Variants in SDK1 observed in about 807,000 individuals in gnomAD.
SDK1 encodes sidekick cell adhesion molecule 1.
A neutral mutation model predicts 245.5 loss-of-function variants in SDK1; 157 were observed. That is an observed-to-expected ratio of 0.64 (90% confidence interval 0.56 to 0.73). SDK1 has a LOEUF of 0.73. Ranked by LOEUF, SDK1 falls within the 30% of genes least tolerant of loss-of-function variation. The probability of loss-of-function intolerance (pLI) is 0.00; values close to 1 mark genes in which losing one functional copy is unlikely to be tolerated. For missense variants in SDK1, 3,583 were observed against 3,002.3 expected (o/e 1.19, Z -4.52); for synonymous variants, 1,647 against 1,278.5 (o/e 1.29, Z -6.15).
chr7:3,433,301 C>G (rs930092303), intron 1 of SDK1, among the ~76,000 whole-genome samples: 8 of 152,194 alleles, frequency 5.3e-5, no homozygotes, highest in Admixed American at 3.9e-4. Context: ...TGCTTTCACA[C>G]TTCAAAAGGT....
intron 5 of SDK1, among the ~76,000 whole-genome samples, chr7:3,894,676 AAGC>A (rs1781551810): frequency 6.6e-6 from 1 of 152,012 alleles, no homozygotes. Context: ...ATTGAAACTA[AAGC>A]AGAGTAATAC....
intron 28 of SDK1, among the ~76,000 whole-genome samples, chr7:4,138,273 TC>T (rs1412549839): frequency 2.0e-5 from 3 of 151,824 alleles, no homozygotes; most frequent in South Asian, 4.2e-4. Context: ...CACTGCAAAC[TC>T]CCCCCTTCCT....
intron 5 of SDK1, among the ~76,000 whole-genome samples, chr7:3,901,336 G>A (rs1172445814): frequency 1.3e-5 from 2 of 152,058 alleles, no homozygotes; most frequent in South Asian, 2.1e-4. Flanking sequence ...ACAGGCATGT[G>A]CCACCACGCC....
At chr7:4,242,125 C>A (rs1386935262) in intron 43 of SDK1, among the ~76,000 whole-genome samples, 3 of 152,154 alleles carry the variant, frequency 2.0e-5, no homozygotes, top group Non-Finnish European at 4.4e-5. Flanking sequence ...ATTTTCAGGA[C>A]ATCTCCGGAG....
intron 1 of SDK1, among the ~76,000 whole-genome samples, chr7:3,599,633 T>C (rs1022192797): frequency 2.6e-5 from 4 of 152,224 alleles, no homozygotes; most frequent in African/African-American, 4.8e-5. Context: ...TTAATTTGTA[T>C]AGAAGGTGTG....
intron 1 of SDK1, among the ~76,000 whole-genome samples, chr7:3,501,557 G>C (rs1782215500): frequency 1.3e-5 from 2 of 152,078 alleles, no homozygotes; most frequent in Admixed American, 1.3e-4. Flanking sequence ...AGGTGATTTA[G>C]TCATACAACA....
At position 3,708,280 on chromosome 7, in the gene SDK1, T is replaced by G. The variant is rs182663397; in HGVS notation, c.713+66175T>G. Among the ~76,000 whole-genome samples, 38 of 151,790 alleles carry G rather than the reference T, an allele frequency of 2.5e-4. 1 individual carries two copies. The highest frequency in any genetic ancestry group is 8.7e-4 in the African/African-American group (36 of 41,314). On this transcript the variant is annotated intron_variant, in intron 4 of 44. Coordinates refer to ENST00000404826, the MANE Select transcript of SDK1 (RefSeq NM_152744.4). ...ATTCATGAGAAACCCACCTCCAAGG[T>G]CCAGTTACCTCCCACCAGGCCCTCC... is the stretch of plus-strand genomic sequence containing the variant.
rs556004991 is a variant in SDK1, at chr7:3,422,377, A to G, written c.298+120493A>G. On this transcript the variant is annotated intron_variant, in intron 1 of 44. Transcript: ENST00000404826. ...GGAAAGAATATGTGGCTTATATGCAACCGATTAACTTGAGTCAAATCTAAA... is the reference window on the plus strand; with the variant it reads ...GGAAAGAATATGTGGCTTATATGCAGCCGATTAACTTGAGTCAAATCTAAA... 1.1e-3 allele frequency among the ~76,000 whole-genome samples: 171 copies of G among 152,372 alleles called. 1 individual carries two copies. The South Asian group carries it at 0.02, about 18-fold the overall frequency.
chr7:3,474,979 C>T (rs541497448), intron 1 of SDK1, among the ~76,000 whole-genome samples: 1 of 152,344 alleles, frequency 6.6e-6, no homozygotes, highest in Non-Finnish European at 1.5e-5. Flanking sequence ...GTGTGAGCCA[C>T]CGTGTCCAGC....
At chr7:3,809,922 A>G (rs557040448) in intron 4 of SDK1, among the ~76,000 whole-genome samples, 1 of 152,336 alleles carries the variant, frequency 6.6e-6, no homozygotes, top group East Asian at 1.9e-4. Context: ...TCACGAAGTA[A>G]GAATGGCTGG....
intron 5 of SDK1, among the ~76,000 whole-genome samples, chr7:3,829,439 G>T (rs1779860242): frequency 6.6e-6 from 1 of 152,092 alleles, no homozygotes; most frequent in Non-Finnish European, 1.5e-5. Flanking sequence ...CGACAGCCCT[G>T]TGAGTTAACA....
intron 17 of SDK1, among the ~76,000 whole-genome samples, chr7:4,035,877 G>A (rs1788172515): frequency 6.6e-6 from 1 of 152,134 alleles, no homozygotes; most frequent in Non-Finnish European, 1.5e-5. Context: ...GCTAGTTAAA[G>A]ATGGGAAAAT....
chr7:3,589,587 G>T (rs1780796257), intron 1 of SDK1, among the ~76,000 whole-genome samples: 1 of 152,192 alleles, frequency 6.6e-6, no homozygotes, highest in South Asian at 2.1e-4. Context: ...CATGGCTGGG[G>T]AGGCCTCACA....
intron 4 of SDK1, among the ~76,000 whole-genome samples, chr7:3,707,421 A>G (rs1281519435): frequency 6.6e-6 from 1 of 152,210 alleles, no homozygotes; most frequent in African/African-American, 2.4e-5. Context: ...AAATACTTGA[A>G]GTGATTTTGA....
intron 4 of SDK1, among the ~76,000 whole-genome samples, chr7:3,677,600 C>T (rs1186586538): frequency 1.3e-5 from 2 of 152,208 alleles, no homozygotes; most frequent in African/African-American, 4.8e-5. Context: ...CTGCCCTTGA[C>T]ACATGGGGAT....
intron 1 of SDK1, among the ~76,000 whole-genome samples, chr7:3,523,066 G>A (rs1782997120): frequency 1.2e-5 from 1 of 84,856 alleles, no homozygotes; most frequent in African/African-American, 4.7e-5. Context: ...AACAGGTGAT[G>A]TAACTGAAGA....
At chr7:4,158,339 C>G (rs977695040) in intron 30 of SDK1, 109 bp from the exon 31 acceptor site, 2 of 843,424 alleles carry the variant, frequency 2.4e-6, no homozygotes, top group Admixed American at 2.3e-5. Context: ...GCCCAGAGCT[C>G]TCAGGGCAGG....
At chr7:3,529,785 T>A (rs1361251299) in intron 1 of SDK1, among the ~76,000 whole-genome samples, 1 of 152,128 alleles carries the variant, frequency 6.6e-6, no homozygotes, top group Admixed American at 6.5e-5. Context: ...GGTGACCAGG[T>A]GGTCGAGGGG....
intron 35 of SDK1, among the ~76,000 whole-genome samples, chr7:4,190,491 C>T (rs1783132347): frequency 6.6e-6 from 1 of 152,222 alleles, no homozygotes; most frequent in African/African-American, 2.4e-5. Flanking sequence ...GGGCGCTATC[C>T]CACCCTCTGG....
Sources: gnomAD v4.1 joint callset for allele counts (sites outside exome capture counted in the v4.1 genomes callset) on GRCh38, gnomAD v4.1.1 for gene constraint, MANE v1.5 for transcripts, NCBI Gene and HGNC (gene_info 2026-07-23, HGNC 2026-07-21) for gene names.